Variants in SEPTIN14 observed in about 807,000 individuals in gnomAD.
The protein encoded by SEPTIN14 is septin 14, also known as septin-14.
SEPTIN14 carries 40 observed loss-of-function variants against 53.6 expected under a neutral mutation model. The observed-to-expected ratio is 0.75, with a 90% CI of 0.58 to 0.97. SEPTIN14 has a LOEUF of 0.97. Ranked by LOEUF, SEPTIN14 falls within the 50% of genes least tolerant of loss-of-function variation. The pLI is 0.00. For synonymous variants in SEPTIN14, 138 were observed against 166.8 expected, an observed-to-expected ratio of 0.83 and a Z score of 1.33; for missense variants, 471 against 508.2, an observed-to-expected ratio of 0.93 and a Z score of 0.70.
At chr7:55,858,148 A>G (rs1789678043) in intron 2 of SEPTIN14, among the ~76,000 whole-genome samples, 2 of 152,196 alleles carry the variant, frequency 1.3e-5, no homozygotes, top group African/African-American at 4.8e-5. Flanking sequence ...GTGAAAGCAC[A>G]TTGCTGCTGA....
intron 5 of SEPTIN14, 98 bp downstream of exon 5, chr7:55,842,844 C>T (rs779652629): frequency 1.8e-4 from 116 of 644,792 alleles, no homozygotes; most frequent in African/African-American, 6.8e-4. Context: ...ACCTGGGAGG[C>T]GGAGCTTGCG....
chr7:55,796,048 C>A lies in SEPTIN14; in HGVS notation c.1164G>T (p.Glu388Asp). Reference protein sequence around the residue: ...FEHLKMIQQEEIRKLEEEKKQ... With the variant: ...FEHLKMIQQEDIRKLEEEKKQ... ...TTTTCTCTTCCTCGAGCTTCCTTATCTCCTCCTGTTGAATCATTTTAAGAT... is the reference window on the plus strand; with the variant it reads ...TTTTCTCTTCCTCGAGCTTCCTTATATCCTCCTGTTGAATCATTTTAAGAT... The change falls in exon 10 of 10, where the codon GAG becomes GAT. Residue 388 changes from glutamate to aspartate, a missense_variant. Coordinates refer to ENST00000388975, the MANE Select transcript of SEPTIN14 (RefSeq NM_207366.3). The A allele has an allele frequency of 2.7e-6, 4 of 1,504,752 alleles. No homozygotes were observed. The highest frequency in any genetic ancestry group is 3.6e-6 in the Non-Finnish European group (4 of 1,097,000). The allele number at this position is 1,504,752 out of a possible 1,614,324, so 93.2% of individuals were successfully genotyped here.
chr7:55,853,335 A>T (rs6947114), intron 2 of SEPTIN14, among the ~76,000 whole-genome samples: 30,455 of 152,172 alleles, frequency 0.2, 4,033 homozygotes, highest in East Asian at 0.43. Flanking sequence ...CACAATGGAA[A>T]ACTATTCAAT....
intron 2 of SEPTIN14, among the ~76,000 whole-genome samples, chr7:55,848,669 G>A (rs1008005648): frequency 4.0e-5 from 6 of 148,772 alleles, no homozygotes; most frequent in Non-Finnish European, 8.9e-5. Flanking sequence ...GCAGTGCAGT[G>A]GCACGATGGC....
chr7:55,822,422 A>G (rs996525494), intron 6 of SEPTIN14, among the ~76,000 whole-genome samples: 6 of 152,224 alleles, frequency 3.9e-5, no homozygotes, highest in African/African-American at 1.2e-4. Flanking sequence ...TTTATATGAA[A>G]AGGCAAAAGA....
At chr7:55,820,948 A>G (rs1177179882) in intron 6 of SEPTIN14, among the ~76,000 whole-genome samples, 1 of 152,148 alleles carries the variant, frequency 6.6e-6, no homozygotes, top group East Asian at 1.9e-4. Flanking sequence ...CTCAAAAGAA[A>G]AAAAGAAAAG....
chr7:55,833,972 T>G (rs961809115), intron 6 of SEPTIN14, among the ~76,000 whole-genome samples: 1 of 151,844 alleles, frequency 6.6e-6, no homozygotes, highest in Non-Finnish European at 1.5e-5. Context: ...TAGAAACATA[T>G]AAACTACCAA....
intron 2 of SEPTIN14, among the ~76,000 whole-genome samples, chr7:55,861,716 C>CTGT (rs1357758057): frequency 6.6e-6 from 1 of 152,152 alleles, no homozygotes; most frequent in Non-Finnish European, 1.5e-5. Context: ...TAGAAATAGT[C>CTGT]TGTTGCACTG....
At chr7:55,850,226 T>C (rs1381731141) in intron 2 of SEPTIN14, among the ~76,000 whole-genome samples, 2 of 152,166 alleles carry the variant, frequency 1.3e-5, no homozygotes, top group Non-Finnish European at 2.9e-5. Flanking sequence ...ATCCTAGCAT[T>C]CTGTGAGGTT....
chr7:55,847,206 T>A (rs1157906923), intron 2 of SEPTIN14, among the ~76,000 whole-genome samples: 1 of 151,944 alleles, frequency 6.6e-6, no homozygotes, highest in African/African-American at 2.4e-5. Flanking sequence ...AAACTCTGTC[T>A]CAAAAAATTA....
chr7:55,837,397 G>A (rs1039297930), intron 5 of SEPTIN14, among the ~76,000 whole-genome samples: 7 of 151,574 alleles, frequency 4.6e-5, no homozygotes, highest in Non-Finnish European at 7.4e-5. Context: ...GATTACAGGC[G>A]TGAGCCACCA....
In SEPTIN14 at chr7:55,796,081, C is replaced by G. The variant is rs749750438; in HGVS notation, c.1131G>C (p.Lys377Asn). The stretch of plus-strand genomic sequence containing the variant: ...GTTGAATCATTTTAAGATGCTCGAA[C>G]TTGTCCTGCAGCTGTGAAACCAATG... ...FKEAEKELQD[K>N]FEHLKMIQQE... Residue 377 changes from lysine to asparagine, a missense_variant, in exon 10 of 10, where the codon AAG becomes AAC. Coordinates refer to ENST00000388975, the MANE Select transcript of SEPTIN14 (RefSeq NM_207366.3). 1.3e-6 allele frequency: 2 copies of G among 1,528,440 alleles called. No homozygotes were observed. The highest frequency in any genetic ancestry group is 4.5e-5 in the East Asian group (2 of 44,542). 94.7% of individuals were successfully genotyped at this position (1,528,440 alleles called of 1,614,324 possible).
chr7:55,802,148 C>G (rs1318733224), intron 9 of SEPTIN14, among the ~76,000 whole-genome samples: 1 of 151,744 alleles, frequency 6.6e-6, no homozygotes, highest in African/African-American at 2.4e-5. Context: ...AGGATTACAG[C>G]CGCACACCAC....
intron 6 of SEPTIN14, among the ~76,000 whole-genome samples, chr7:55,822,668 A>T (rs934416321): frequency 3.3e-5 from 5 of 152,302 alleles, no homozygotes; most frequent in African/African-American, 9.6e-5. Flanking sequence ...TCTTTTCAAT[A>T]AACAGTGCTG....
intron 6 of SEPTIN14, among the ~76,000 whole-genome samples, chr7:55,829,676 G>C (rs1789059001): frequency 6.6e-6 from 1 of 151,784 alleles, no homozygotes; most frequent in Admixed American, 6.6e-5. Flanking sequence ...AGAGCAGCTT[G>C]GAGGCAGTGA....
chr7:55,799,332 G>A (rs1307034137), intron 9 of SEPTIN14, among the ~76,000 whole-genome samples: 5 of 142,094 alleles, frequency 3.5e-5, no homozygotes, highest in East Asian at 2.0e-4. Flanking sequence ...ATGGTGAAAC[G>A]CCATCTCTAC....
chr7:55,795,483 T>TTC lies in SEPTIN14; in HGVS notation c.*429_*430insGA, dbSNP rs1788415413. 2 of 153,370 alleles carry TTC rather than the reference T, an allele frequency of 1.3e-5. No individual in the cohort carries two copies. The highest frequency in any genetic ancestry group is 4.9e-5 in the African/African-American group (2 of 40,924). 9.5% of individuals were successfully genotyped at this position (153,370 alleles called of 1,614,324 possible). A position where few individuals can be genotyped will look rare whatever the true frequency, so the allele number is the denominator to read the frequency against. On this transcript the variant is annotated 3_prime_UTR_variant, in exon 10 of 10. Transcript: ENST00000388975. Reference sequence around the variant, plus strand: ...CATACTTTTTTTTTTTTTTTTTTTTTTGAGGCGGAGTTTTGCTCTTGTCAC... The same window carrying TTC: ...CATACTTTTTTTTTTTTTTTTTTTTTTCTGAGGCGGAGTTTTGCTCTTGTCAC...
intron 2 of SEPTIN14, among the ~76,000 whole-genome samples, chr7:55,854,382 G>GA (rs1789571081): frequency 1.3e-5 from 2 of 151,604 alleles, no homozygotes; most frequent in Admixed American, 6.6e-5. Context: ...TCACAAGATT[G>GA]AAAATAAAGC....
intron 5 of SEPTIN14, among the ~76,000 whole-genome samples, chr7:55,839,715 G>A (rs1271480506): frequency 6.6e-6 from 1 of 152,132 alleles, no homozygotes; most frequent in Non-Finnish European, 1.5e-5. Context: ...TGATCTGGGA[G>A]GTAAGTCAAG....
Sources: allele counts gnomAD v4.1 joint callset (sites outside exome capture counted in the v4.1 genomes callset), GRCh38; gene constraint gnomAD v4.1.1; transcripts MANE v1.5; gene names NCBI Gene and HGNC (gene_info 2026-07-23, HGNC 2026-07-21).